KCNQ3: variants seen among roughly 807,000 people sequenced by gnomAD.
KCNQ3 encodes the protein potassium voltage-gated channel subfamily KQT member 3.
In KCNQ3, 30 loss-of-function variants were observed where a neutral mutation model predicts 92.5. That is an observed-to-expected ratio of 0.32 (90% CI 0.24 to 0.44). KCNQ3 has a LOEUF of 0.44. Ranked by LOEUF, KCNQ3 falls within the 20% of genes least tolerant of loss-of-function variation. The pLI is 1.00. For missense variants in KCNQ3, 913 were observed against 1,140.3 expected, an observed-to-expected ratio of 0.80 and a Z score of 2.87; for synonymous variants, 450 against 468.8, an observed-to-expected ratio of 0.96 and a Z score of 0.52.
rs1431164963 is a variant in KCNQ3, at chr8:132,121,742, G to C, written c.*7520C>G. 6.6e-6 allele frequency: 1 copy of C among 152,194 alleles called. No homozygotes were observed. Among genetic ancestry groups the C allele is most frequent in the Non-Finnish European group, 1.5e-5 (1 of 68,030 alleles). The allele number at this position is 152,194 out of a possible 1,614,324, so 9.4% of individuals were successfully genotyped here. The stretch of plus-strand genomic sequence containing the variant: ...GGTACAGTCTAGAGACAAAAGACCA[G>C]AGTCAGCAGAGACGTGGAGATATTT... On this transcript the variant is annotated 3_prime_UTR_variant, in exon 15 of 15. Transcript: ENST00000388996.
chr8:132,443,485 C>CA (rs1198747993), intron 1 of KCNQ3, among the ~76,000 whole-genome samples: 2 of 152,088 alleles, frequency 1.3e-5, no homozygotes, highest in Admixed American at 1.3e-4. Flanking sequence ...GTCCACGTGT[C>CA]AGAGACAAGT....
At chr8:132,162,629 A>G (rs1266100315) in intron 9 of KCNQ3, among the ~76,000 whole-genome samples, 2 of 152,202 alleles carry the variant, frequency 1.3e-5, no homozygotes, top group Non-Finnish European at 2.9e-5. Context: ...GGGTCCAGGA[A>G]AGAACCACGT....
At chr8:132,233,852 C>A (rs745659287) in intron 1 of KCNQ3, among the ~76,000 whole-genome samples, 1 of 151,246 alleles carries the variant, frequency 6.6e-6, no homozygotes, top group African/African-American at 2.4e-5. Flanking sequence ...GGTGGAGAAG[C>A]GGGCAAAAAA....
intron 13 of KCNQ3, among the ~76,000 whole-genome samples, chr8:132,133,553 A>G (rs1228202864): frequency 1.3e-5 from 2 of 151,762 alleles, no homozygotes; most frequent in Non-Finnish European, 2.9e-5. Flanking sequence ...ATGGGGTTTC[A>G]CTATGTTGGC....
rs919747397 is a variant in KCNQ3, at chr8:132,355,549, G to A, written c.386+124598C>T. 5.3e-5 allele frequency among the ~76,000 whole-genome samples: 8 copies of A among 152,076 alleles called. 1 individual carries two copies. Among genetic ancestry groups the A allele is most frequent in the African/African-American group, 1.2e-4 (5 of 41,388 alleles). ...AATTGATGAGAGTTTAAGAGGAAGA[G>A]CCCAAAACAATCAGAAGGTGAGTTT... On this transcript the variant is annotated intron_variant, in intron 1 of 14. Coordinates refer to ENST00000388996, the MANE Select transcript of KCNQ3 (RefSeq NM_004519.4).
At chr8:132,221,404 A>G (rs1563811039) in intron 1 of KCNQ3, among the ~76,000 whole-genome samples, 1 of 152,214 alleles carries the variant, frequency 6.6e-6, no homozygotes, top group African/African-American at 2.4e-5. Flanking sequence ...GTCTTCCACA[A>G]TGGTTGAACT....
At chr8:132,362,499 A>G (rs1819199606) in intron 1 of KCNQ3, among the ~76,000 whole-genome samples, 1 of 152,212 alleles carries the variant, frequency 6.6e-6, no homozygotes, top group African/African-American at 2.4e-5. Context: ...TGAGATGCTC[A>G]GGTCAGTTGG....
chr8:132,172,792 C>T, intron 6 of KCNQ3, 99 bp from the exon 7 acceptor site: 1 of 833,150 alleles, frequency 1.2e-6, no homozygotes, highest in Non-Finnish European at 2.1e-6. Context: ...CTCAATTGCA[C>T]TTCAAGTCCT....
intron 1 of KCNQ3, among the ~76,000 whole-genome samples, 184 bp from the exon 2 acceptor site, chr8:132,186,365 A>T (rs944888127): frequency 6.6e-6 from 1 of 152,242 alleles, no homozygotes; most frequent in African/African-American, 2.4e-5. Context: ...CAATCATCCC[A>T]GTTAAATAAA....
chr8:132,449,547 G>C (rs1237198620), intron 1 of KCNQ3, among the ~76,000 whole-genome samples: 1 of 151,846 alleles, frequency 6.6e-6, no homozygotes, highest in Non-Finnish European at 1.5e-5. Flanking sequence ...CACCTCTCTA[G>C]ACCCCCACAG....
intron 9 of KCNQ3, among the ~76,000 whole-genome samples, chr8:132,148,786 C>T (rs1457585893): frequency 6.6e-6 from 1 of 152,166 alleles, no homozygotes; most frequent in African/African-American, 2.4e-5. Context: ...GATTGGAGCT[C>T]CTGGTTCTCA....
chr8:132,241,712 T>C (rs1815002698), intron 1 of KCNQ3, among the ~76,000 whole-genome samples: 1 of 152,128 alleles, frequency 6.6e-6, no homozygotes, highest in Admixed American at 6.5e-5. Flanking sequence ...CGGGCACTTG[T>C]AATCCTAGCT....
chr8:132,322,028 G>A (rs928476354), intron 1 of KCNQ3, among the ~76,000 whole-genome samples: 2 of 152,052 alleles, frequency 1.3e-5, no homozygotes, highest in African/African-American at 4.8e-5. Flanking sequence ...GTGGCCTGAG[G>A]ACAAGGTGTG....
intron 1 of KCNQ3, among the ~76,000 whole-genome samples, chr8:132,347,328 C>A (rs962590078): frequency 6.6e-6 from 1 of 152,114 alleles, no homozygotes; most frequent in Admixed American, 6.5e-5. Context: ...CATGATGATG[C>A]GATGGCAATG....
chr8:132,480,320 G>T lies in KCNQ3; in HGVS notation c.213C>A (p.Gly71=), dbSNP rs551914862. The T allele has an allele frequency of 5.6e-6, 9 of 1,600,578 alleles. No individual in the cohort carries two copies. The African/African-American group carries it at 6.7e-5, about 12-fold the overall frequency. ...ADKDGTLLLE[G]GGRDEGQRRT... ...TCCGCTGCCCCTCGTCGCGGCCGCC[G>T]CCCTCCAGCAGCAGGGTCCCGTCTT... The change falls in exon 1 of 15, where the codon GGC becomes GGA. Residue 71 remains glycine, a synonymous_variant. Transcript: ENST00000388996.
chr8:132,177,942 A>G (rs1162571290), intron 4 of KCNQ3, among the ~76,000 whole-genome samples: 1 of 152,208 alleles, frequency 6.6e-6, no homozygotes, highest in Non-Finnish European at 1.5e-5. Context: ...ATGTGCAGAG[A>G]GCTCTGCTCC....
At chr8:132,222,297 T>C (rs75426686) in intron 1 of KCNQ3, among the ~76,000 whole-genome samples, 3,679 of 152,336 alleles carry the variant, frequency 0.024, 68 homozygotes, top group Non-Finnish European at 0.034. Context: ...GAGCAAACAA[T>C]GATACTTGGT....
intron 1 of KCNQ3, chr8:132,321,434 G>A (rs909465445): frequency 2.0e-5 from 3 of 152,580 alleles, no homozygotes; most frequent in Non-Finnish European, 4.4e-5. Context: ...AACCTGACAC[G>A]GAATACATAC....
chr8:132,459,049 T>C (rs1317999517), intron 1 of KCNQ3, among the ~76,000 whole-genome samples: 1 of 152,182 alleles, frequency 6.6e-6, no homozygotes, highest in Non-Finnish European at 1.5e-5. Flanking sequence ...TCTTTCCTTG[T>C]TTTAGATGAC....
Sources: gnomAD v4.1 joint callset for allele counts (sites outside exome capture counted in the v4.1 genomes callset) on GRCh38, gnomAD v4.1.1 for gene constraint, MANE v1.5 for transcripts, NCBI Gene and HGNC (gene_info 2026-07-23, HGNC 2026-07-21) for gene names.